Variants in UBR2 observed in about 807,000 individuals in gnomAD.
UBR2 encodes ubiquitin protein ligase E3 component n-recognin 2, also known as E3 ubiquitin-protein ligase UBR2.
In UBR2, 92 loss-of-function variants were observed where a neutral mutation model predicts 247.9. The observed-to-expected ratio is 0.37, with a 90% CI of 0.31 to 0.44. The LOEUF is 0.44. UBR2 is among the 20% of genes least tolerant of loss of function. UBR2 has a pLI of 1.00. For missense variants in UBR2, 1,613 were observed against 2,112.6 expected (o/e 0.76, Z 4.64); for synonymous variants, 672 against 693.5 (o/e 0.97, Z 0.49).
chr6:42,604,054 AT>A (rs1157426795), intron 5 of UBR2, among the ~76,000 whole-genome samples: 1 of 152,240 alleles, frequency 6.6e-6, no homozygotes, highest in African/African-American at 2.4e-5. Context: ...ATATGTTAAT[AT>A]CATTATAGGA....
intron 20 of UBR2, 146 bp downstream of exon 20, chr6:42,644,682 C>T: frequency 1.5e-6 from 1 of 658,958 alleles, no homozygotes; most frequent in South Asian, 2.0e-5. Context: ...TCTTTTTCTC[C>T]CCTCTGGTTA....
intron 2 of UBR2, among the ~76,000 whole-genome samples, chr6:42,580,411 G>C (rs896072432): frequency 2.0e-5 from 3 of 152,142 alleles, no homozygotes; most frequent in African/African-American, 7.2e-5. Context: ...AACCATAAAG[G>C]CTTTGGGGTA....
intron 43 of UBR2, 53 bp from the exon 44 acceptor site, chr6:42,684,741 T>A: frequency 7.0e-7 from 1 of 1,429,292 alleles, no homozygotes. Flanking sequence ...TGCCTCATAG[T>A]ATAATATGAC....
chr6:42,620,220 T>A (rs540906909), intron 11 of UBR2: 1 of 173,492 alleles, frequency 5.8e-6, no homozygotes, highest in African/African-American at 2.4e-5. Context: ...TAGTGGGACA[T>A]AGTGGTTTCT....
At chr6:42,653,528 C>G in intron 25 of UBR2, among the ~76,000 whole-genome samples, 1 of 151,626 alleles carries the variant, frequency 6.6e-6, no homozygotes, top group East Asian at 1.9e-4. Flanking sequence ...CATTAACTTC[C>G]CATATTAATC....
At chr6:42,619,879 A>G in intron 11 of UBR2, 2 of 799,922 alleles carry the variant, frequency 2.5e-6, no homozygotes, top group Non-Finnish European at 3.0e-6. Context: ...CACCACACCC[A>G]GCTAGTCTTA....
chr6:42,623,554 C>T lies in UBR2; in HGVS notation c.1281+6047C>T, dbSNP rs141488415. ...ACAACCTCCGCCTTCCGGGTTCAAG[C>T]GATTCTTCTGCCTCAGCCTCCTGAG... On this transcript the variant is annotated intron_variant, in intron 11 of 46. Coordinates refer to ENST00000372901, the MANE Select transcript of UBR2 (RefSeq NM_001363705.2). 5.3e-4 allele frequency among the ~76,000 whole-genome samples: 81 copies of T among 152,134 alleles called. 1 individual carries two copies. In the East Asian group the frequency reaches 0.015, roughly 28 times the overall value.
intron 8 of UBR2, among the ~76,000 whole-genome samples, chr6:42,613,738 A>G (rs532453291): frequency 1.3e-5 from 2 of 152,284 alleles, no homozygotes; most frequent in African/African-American, 4.8e-5. Context: ...TTAATCATTA[A>G]TAATTTATAT....
intron 44 of UBR2, among the ~76,000 whole-genome samples, chr6:42,685,279 C>T (rs1298386171): frequency 1.3e-5 from 2 of 152,110 alleles, no homozygotes; most frequent in African/African-American, 4.8e-5. Context: ...CAATTACACT[C>T]CAGCCTGGGT....
chr6:42,584,847 CT>C (rs144555709), intron 2 of UBR2, among the ~76,000 whole-genome samples: 3,327 of 152,238 alleles, frequency 0.022, 111 homozygotes, highest in African/African-American at 0.075. Flanking sequence ...AACTTTTACC[CT>C]GTGACCTTGC....
At position 42,630,405 on chromosome 6, in the gene UBR2, C is replaced by T. The variant is rs564087723; in HGVS notation, c.1282-2147C>T. Among the ~76,000 whole-genome samples the T allele has an allele frequency of 1.7e-4, 26 of 151,820 alleles. No homozygotes were observed. The South Asian group carries it at 3.7e-3, about 22-fold the overall frequency. On this transcript the variant is annotated intron_variant, in intron 11 of 46. Transcript: ENST00000372901. ...TTCACCATGTTGGCCAAGCTAGTCT[C>T]GAACTCCTGACCTTAGGTGATCCAC... is the stretch of plus-strand genomic sequence containing the variant.
At chr6:42,570,776 G>A (rs1333451698) in intron 1 of UBR2, among the ~76,000 whole-genome samples, 2 of 150,770 alleles carry the variant, frequency 1.3e-5, no homozygotes, top group Non-Finnish European at 3.0e-5. Flanking sequence ...CTCAACCTCC[G>A]GGGCTCAGGT....
intron 4 of UBR2, among the ~76,000 whole-genome samples, chr6:42,599,910 AAATGAAAATCTAAT>A (rs1202768190): frequency 5.9e-5 from 9 of 152,134 alleles, no homozygotes; most frequent in Non-Finnish European, 1.0e-4. Context: ...TTGTTTTTTT[AAATGAAAATCTAAT>A]TTTAAAAAAT....
At chr6:42,668,521 C>G (rs533064315) in intron 34 of UBR2, among the ~76,000 whole-genome samples, 1 of 152,092 alleles carries the variant, frequency 6.6e-6, no homozygotes, top group Non-Finnish European at 1.5e-5. Context: ...TTCACTGCAA[C>G]CTCTGCATCC....
intron 44 of UBR2, 40 bp downstream of exon 44, chr6:42,684,911 G>C (rs1582733727): frequency 6.6e-7 from 1 of 1,512,808 alleles, no homozygotes; most frequent in Admixed American, 1.8e-5. Flanking sequence ...CCTGCCACTG[G>C]AAACACCTCT....
At chr6:42,640,676 G>A (rs1796389090) in intron 16 of UBR2, among the ~76,000 whole-genome samples, 1 of 152,046 alleles carries the variant, frequency 6.6e-6, no homozygotes, top group African/African-American at 2.4e-5. Flanking sequence ...CTGAACTGAT[G>A]AAGCCCACCC....
In UBR2 at chr6:42,663,241, G is replaced by A; in HGVS notation, c.3537-17G>A. 4 of 1,576,342 alleles carry A rather than the reference G, an allele frequency of 2.5e-6. 1 individual carries two copies. The South Asian group carries it at 4.7e-5, about 18-fold the overall frequency. On this transcript the variant is annotated splice_polypyrimidine_tract_variant and intron_variant, in intron 31 of 46. Transcript: ENST00000372901. ...AATTACCATTGTTTTGATACCTCAT[G>A]TTCTCTAATTGTAAAGGTATTTTGA...
chr6:42,676,050 G>A lies in UBR2; in HGVS notation c.4252-6G>A, dbSNP rs375221244. 5.6e-6 allele frequency: 9 copies of A among 1,608,552 alleles called. No individual in the cohort carries two copies. The highest frequency in any genetic ancestry group is 7.6e-6 in the Non-Finnish European group (9 of 1,178,112). On this transcript the variant is annotated splice_region_variant and splice_polypyrimidine_tract_variant and intron_variant, in intron 38 of 46. Coordinates refer to ENST00000372901, the MANE Select transcript of UBR2 (RefSeq NM_001363705.2). ...ATCTGTCTGATGTCCTGTGTTTGGT[G>A]CCTAGGTGGGCTTGGTGCTTGCATT...
At chr6:42,615,326 A>G in intron 9 of UBR2, 148 bp downstream of exon 9, 1 of 505,442 alleles carries the variant, frequency 2.0e-6, no homozygotes, top group East Asian at 3.4e-5. Context: ...AAAAATATAG[A>G]TTTGGTGGGG....
Sources: allele counts gnomAD v4.1 joint callset (sites outside exome capture counted in the v4.1 genomes callset), GRCh38; gene constraint gnomAD v4.1.1; transcripts MANE v1.5; gene names NCBI Gene and HGNC (gene_info 2026-07-23, HGNC 2026-07-21).